HCN1: variants seen among roughly 807,000 people sequenced by gnomAD.
HCN1 encodes the protein hyperpolarization activated cyclic nucleotide gated potassium channel 1, also known as potassium/sodium hyperpolarization-activated cyclic nucleotide-gated channel 1.
Under a neutral mutation model 78.9 loss-of-function variants are expected in HCN1, and 13 were observed. The ratio of observed to expected loss-of-function variants is 0.16; its 90% CI spans 0.11 to 0.26. The LOEUF is 0.26. Ranked by LOEUF, HCN1 falls within the 10% of genes least tolerant of loss-of-function variation. The probability of loss-of-function intolerance (pLI) is 1.00; values close to 1 mark genes in which losing one functional copy is unlikely to be tolerated. For synonymous variants in HCN1, 552 were observed against 455.5 expected (o/e 1.21, Z -2.70); for missense variants, 810 against 1,154.3 (o/e 0.70, Z 4.32).
chr5:45,627,764 C>T (rs1745196587), intron 2 of HCN1, among the ~76,000 whole-genome samples: 1 of 152,140 alleles, frequency 6.6e-6, no homozygotes, highest in African/African-American at 2.4e-5. Context: ...CTATGTTTAA[C>T]TTCAGGGAAA....
At chr5:45,525,747 C>T (rs1273961228) in intron 2 of HCN1, among the ~76,000 whole-genome samples, 2 of 151,818 alleles carry the variant, frequency 1.3e-5, no homozygotes, top group African/African-American at 4.8e-5. Context: ...AATTTAAGTC[C>T]ACTGCTACAC....
intron 3 of HCN1, among the ~76,000 whole-genome samples, chr5:45,433,891 C>A (rs566486147): frequency 6.6e-6 from 1 of 152,118 alleles, no homozygotes; most frequent in Non-Finnish European, 1.5e-5. Context: ...AATGACAATT[C>A]AAATTGGCAA....
intron 2 of HCN1, among the ~76,000 whole-genome samples, chr5:45,543,211 A>G (rs1743139833): frequency 6.6e-6 from 1 of 152,172 alleles, no homozygotes; most frequent in Non-Finnish European, 1.5e-5. Context: ...GCATTTCAAA[A>G]TGAAAATGAC....
At chr5:45,306,005 T>TA (rs1432130588) in intron 5 of HCN1, among the ~76,000 whole-genome samples, 5 of 151,992 alleles carry the variant, frequency 3.3e-5, no homozygotes, top group South Asian at 2.1e-4. Flanking sequence ...TCTTCTGTAT[T>TA]AAAAAATTTG....
At chr5:45,303,955 A>G in intron 5 of HCN1, 116 bp from the exon 6 acceptor site, 1 of 969,820 alleles carries the variant, frequency 1.0e-6, no homozygotes, top group Non-Finnish European at 1.6e-6. Flanking sequence ...TTTAGATACA[A>G]AAATTCATAA....
intron 2 of HCN1, among the ~76,000 whole-genome samples, chr5:45,562,864 G>T (rs1263437031): frequency 6.6e-6 from 1 of 152,114 alleles, no homozygotes; most frequent in Non-Finnish European, 1.5e-5. Flanking sequence ...TTCTCAGAAT[G>T]GACGAATAAT....
chr5:45,426,414 C>T (rs1320053546), intron 3 of HCN1, among the ~76,000 whole-genome samples: 1 of 152,178 alleles, frequency 6.6e-6, no homozygotes, highest in Non-Finnish European at 1.5e-5. Context: ...ATAGTCCCCA[C>T]ATGTCATGGG....
intron 4 of HCN1, among the ~76,000 whole-genome samples, chr5:45,396,271 T>C (rs1739685090): frequency 6.6e-6 from 1 of 152,166 alleles, no homozygotes; most frequent in Non-Finnish European, 1.5e-5. Context: ...TAAAGTCACA[T>C]TTAAAAAGAT....
At chr5:45,624,698 G>C (rs975519230) in intron 2 of HCN1, among the ~76,000 whole-genome samples, 1 of 152,178 alleles carries the variant, frequency 6.6e-6, no homozygotes, top group African/African-American at 2.4e-5. Flanking sequence ...GATGGGGCTG[G>C]AGAGGGGCAT....
chr5:45,322,389 T>C (rs938581515), intron 5 of HCN1, among the ~76,000 whole-genome samples: 2 of 151,844 alleles, frequency 1.3e-5, no homozygotes, highest in African/African-American at 2.4e-5. Flanking sequence ...CACTAATATT[T>C]ATTAAATGCT....
chr5:45,262,100 T>A lies in HCN1; in HGVS notation c.2494A>T (p.Arg832Trp). 1 of 1,612,884 alleles carries A rather than the reference T, an allele frequency of 6.2e-7. No homozygotes were observed. The highest frequency in any genetic ancestry group is 1.3e-5 in the African/African-American group (1 of 75,036). ...VPGTGLQAGG[R>W]STVPQRVTLF... ...GTGACGCGCTGCGGGACAGTGCTCCTGCCCCCTGCCTGAAGGCCCGTTCCG... is the reference window on the plus strand; with the variant it reads ...GTGACGCGCTGCGGGACAGTGCTCCAGCCCCCTGCCTGAAGGCCCGTTCCG... The change falls in exon 8 of 8, where the codon AGG (arginine) becomes TGG (tryptophan). Residue 832 changes from arginine (R) to tryptophan (W), a missense_variant. Around this residue, in one of 6 missense-constraint regions of HCN1, gnomAD observed 398 missense variants for 381.3 expected, o/e 1.04. Transcript: ENST00000303230.
intron 2 of HCN1, among the ~76,000 whole-genome samples, chr5:45,523,054 T>A (rs1742647793): frequency 1.4e-5 from 2 of 145,632 alleles, no homozygotes; most frequent in South Asian, 4.6e-4. Context: ...TTCCCCTTCC[T>A]GTGTCCATGT....
chr5:45,427,106 C>T (rs1740367872), intron 3 of HCN1, among the ~76,000 whole-genome samples: 1 of 151,884 alleles, frequency 6.6e-6, no homozygotes, highest in Non-Finnish European at 1.5e-5. Flanking sequence ...ATTCTTTTTG[C>T]ATACCAGCAT....
At chr5:45,537,340 C>T (rs1219838062) in intron 2 of HCN1, among the ~76,000 whole-genome samples, 2 of 151,836 alleles carry the variant, frequency 1.3e-5, no homozygotes. Flanking sequence ...AAATATTTTA[C>T]ATTGCTATTT....
intron 2 of HCN1, among the ~76,000 whole-genome samples, chr5:45,610,763 A>T (rs1181141245): frequency 6.6e-6 from 1 of 151,630 alleles, no homozygotes; most frequent in Non-Finnish European, 1.5e-5. Context: ...ATATTCTTTA[A>T]ATTGCACACT....
At chr5:45,444,987 T>C (rs931850421) in intron 3 of HCN1, among the ~76,000 whole-genome samples, 2 of 152,114 alleles carry the variant, frequency 1.3e-5, no homozygotes, top group Non-Finnish European at 2.9e-5. Flanking sequence ...TGCATTTCCA[T>C]CTGAGGTACC....
intron 4 of HCN1, among the ~76,000 whole-genome samples, chr5:45,381,328 G>A (rs77240115): frequency 2.1e-3 from 320 of 152,034 alleles, no homozygotes; most frequent in African/African-American, 7.3e-3. Flanking sequence ...AGATTCTAGG[G>A]TCTCTCTCTT....
At chr5:45,344,203 T>C (rs1304007795) in intron 5 of HCN1, among the ~76,000 whole-genome samples, 1 of 152,128 alleles carries the variant, frequency 6.6e-6, no homozygotes, top group Non-Finnish European at 1.5e-5. Flanking sequence ...ACTCACTCAC[T>C]ATCACAAGAA....
At chr5:45,368,289 T>C (rs938359108) in intron 4 of HCN1, among the ~76,000 whole-genome samples, 2 of 152,008 alleles carry the variant, frequency 1.3e-5, no homozygotes, top group African/African-American at 4.8e-5. Flanking sequence ...AGGAGACACA[T>C]TTAATCCATA....
Sources: allele counts gnomAD v4.1 joint callset (sites outside exome capture counted in the v4.1 genomes callset), GRCh38; gene constraint gnomAD v4.1.1; regional missense constraint gnomAD v4.1.1; transcripts MANE v1.5; gene names NCBI Gene and HGNC (gene_info 2026-07-23, HGNC 2026-07-21).